The following RGS6 variants were observed in gnomAD, a reference collection of about 807,000 sequenced individuals.
The protein encoded by RGS6 is regulator of G protein signaling 6, also known as regulator of G-protein signaling 6.
A neutral mutation model predicts 78.5 loss-of-function variants in RGS6; 30 were observed. The observed-to-expected ratio is 0.38, with a 90% CI of 0.29 to 0.52. The LOEUF (loss-of-function observed/expected upper bound fraction) is 0.52, where lower values mean the gene tolerates loss of function less well. RGS6 is among the 20% of genes least tolerant of loss of function. The pLI, the probability that RGS6 is intolerant of heterozygous loss-of-function variation, is 0.85. For synonymous variants in RGS6, 206 were observed against 206.0 expected, an observed-to-expected ratio of 1.00 and a Z score of 0.00; for missense variants, 495 against 609.7, an observed-to-expected ratio of 0.81 and a Z score of 1.98.
chr14:72,488,535 A>G (rs987706309), intron 12 of RGS6, among the ~76,000 whole-genome samples: 2 of 152,204 alleles, frequency 1.3e-5, no homozygotes, highest in Non-Finnish European at 2.9e-5. Context: ...AGATCTGGCT[A>G]TGAGCCTGTA....
At chr14:72,087,052 C>T (rs985704210) in intron 2 of RGS6, among the ~76,000 whole-genome samples, 52 of 152,058 alleles carry the variant, frequency 3.4e-4, no homozygotes, top group Admixed American at 2.0e-3. Context: ...TAAGTTAGGA[C>T]GACACAGAAT....
chr14:71,916,101 C>T, the RGS6 span, among the ~76,000 whole-genome samples: 2 of 152,218 alleles, frequency 1.3e-5, no homozygotes, highest in African/African-American at 2.4e-5. Flanking sequence ...CAGACTAGCC[C>T]AGCATGTGAC....
intron 2 of RGS6, among the ~76,000 whole-genome samples, chr14:71,999,059 T>C (rs1014476456): frequency 2.6e-5 from 2 of 77,922 alleles, no homozygotes; most frequent in East Asian, 1.0e-3. Context: ...TGTGAGACCC[T>C]ATCTCTAAAA....
Position 72,323,800 on chromosome 14 carries a change from CAAAAAAAAAAAAAAAAAAAAAAAAA to C in RGS6, c.85-28278_85-28254del, listed in dbSNP as rs58303649. On this transcript the variant is annotated intron_variant, in intron 2 of 17. Transcript: ENST00000553525. Reference sequence around the variant, plus strand: ...TGGGTGACAGAGTGAGACTCCATCTCAAAAAAAAAAAAAAAAAAAAAAAAAAAAAAAAAAAAAAAAACTATTGTAA... The same window carrying C: ...TGGGTGACAGAGTGAGACTCCATCTCAAAAAAAAAAAAAAAACTATTGTAA... 4.3e-3 allele frequency among the ~76,000 whole-genome samples: 72 copies of C among 16,824 alleles called. 5 individuals carry two copies. Among genetic ancestry groups the C allele is most frequent in the South Asian group, 0.02 (5 of 254 alleles). The allele number at this position is 16,824 out of a possible 152,430, so 11.0% of individuals were successfully genotyped here.
At chr14:72,403,296 T>C (rs574059430) in intron 3 of RGS6, among the ~76,000 whole-genome samples, 3 of 152,348 alleles carry the variant, frequency 2.0e-5, no homozygotes, top group African/African-American at 7.2e-5. Flanking sequence ...CTGTCATTCA[T>C]GGCAACATGG....
At chr14:71,920,413 C>T in the RGS6 span, among the ~76,000 whole-genome samples, 2 of 152,108 alleles carry the variant, frequency 1.3e-5, no homozygotes, top group African/African-American at 2.4e-5. Context: ...GGAAGGAAAA[C>T]CCCACTGAAC....
At chr14:72,027,031 G>T (rs1339561088) in intron 2 of RGS6, among the ~76,000 whole-genome samples, 1 of 152,112 alleles carries the variant, frequency 6.6e-6, no homozygotes, top group Non-Finnish European at 1.5e-5. Flanking sequence ...AGAAGGAAAG[G>T]TCTTAAGGTA....
intron 2 of RGS6, among the ~76,000 whole-genome samples, chr14:72,113,158 A>G (rs1376965972): frequency 6.6e-6 from 1 of 152,206 alleles, no homozygotes; most frequent in African/African-American, 2.4e-5. Flanking sequence ...TAGCTGGGGC[A>G]AGCCCCCCGA....
At chr14:71,868,183 C>T in the RGS6 span, among the ~76,000 whole-genome samples, 6 of 152,086 alleles carry the variant, frequency 3.9e-5, no homozygotes, top group African/African-American at 1.2e-4. Flanking sequence ...TTGACTGTGT[C>T]CCGTAATGCT....
chr14:71,946,637 G>A (rs570134478), intron 1 of RGS6, among the ~76,000 whole-genome samples: 1 of 152,304 alleles, frequency 6.6e-6, no homozygotes, highest in South Asian at 2.1e-4. Context: ...TTTCACTGAA[G>A]AGGCTAAGTA....
chr14:72,373,345 G>C (rs1303120311), intron 3 of RGS6, among the ~76,000 whole-genome samples: 3 of 152,100 alleles, frequency 2.0e-5, no homozygotes, highest in Non-Finnish European at 4.4e-5. Flanking sequence ...TTTTGTTCTT[G>C]TCATACAGCC....
At chr14:72,035,433 T>C (rs11627735) in intron 2 of RGS6, among the ~76,000 whole-genome samples, 12,315 of 152,210 alleles carry the variant, frequency 0.081, 546 homozygotes, top group East Asian at 0.17. Flanking sequence ...TCAATTTTTG[T>C]TGTTTTTTTC....
intron 3 of RGS6, among the ~76,000 whole-genome samples, chr14:72,364,466 A>G (rs766575871): frequency 6.6e-6 from 1 of 152,204 alleles, no homozygotes; most frequent in Non-Finnish European, 1.5e-5. Context: ...AGCAGCCTCC[A>G]TCAGACTTTC....
At chr14:72,064,576 T>C (rs2094046145) in intron 2 of RGS6, among the ~76,000 whole-genome samples, 1 of 152,202 alleles carries the variant, frequency 6.6e-6, no homozygotes, top group African/African-American at 2.4e-5. Flanking sequence ...GTGTGAGAAG[T>C]GAATACTTAG....
intron 2 of RGS6, among the ~76,000 whole-genome samples, chr14:72,229,579 C>A (rs1599951893): frequency 6.6e-6 from 1 of 152,174 alleles, no homozygotes; most frequent in African/African-American, 2.4e-5. Flanking sequence ...CCCCAGATAA[C>A]TGACAGAGTC....
chr14:72,106,350 A>G (rs1472357567), intron 2 of RGS6, among the ~76,000 whole-genome samples: 1 of 152,228 alleles, frequency 6.6e-6, no homozygotes, highest in Non-Finnish European at 1.5e-5. Context: ...TTTGCACTCC[A>G]GTGGAGATTT....
chr14:72,490,942 A>C (rs957938152), intron 12 of RGS6, among the ~76,000 whole-genome samples: 9 of 152,344 alleles, frequency 5.9e-5, no homozygotes, highest in African/African-American at 2.2e-4. Context: ...AATCTGACTC[A>C]GGAGGCCTGG....
intron 3 of RGS6, among the ~76,000 whole-genome samples, chr14:72,413,708 G>A (rs1285972086): frequency 1.3e-4 from 20 of 152,220 alleles, no homozygotes; most frequent in African/African-American, 2.4e-4. Flanking sequence ...CTGGTACTGC[G>A]GTTGTTCCTT....
chr14:72,202,307 G>A (rs1168143808), intron 2 of RGS6, among the ~76,000 whole-genome samples: 8 of 152,218 alleles, frequency 5.3e-5, no homozygotes, highest in Admixed American at 2.0e-4. Context: ...TTAATTACCC[G>A]AGGATACAGA....
Sources: allele counts gnomAD v4.1 joint callset (sites outside exome capture counted in the v4.1 genomes callset), GRCh38; gene constraint gnomAD v4.1.1; transcripts MANE v1.5; gene names NCBI Gene and HGNC (gene_info 2026-07-23, HGNC 2026-07-21).